Variants in ZNF571 observed in about 807,000 individuals in gnomAD.
ZNF571 encodes the protein zinc finger protein 571.
ZNF571 carries 4 observed loss-of-function variants against 7.7 expected under a neutral mutation model. The observed-to-expected ratio is 0.52, with a 90% CI of 0.25 to 1.18. The LOEUF (loss-of-function observed/expected upper bound fraction) is 1.18, where lower values mean the gene tolerates loss of function less well. ZNF571 is among the 50% of genes most tolerant of loss of function. The pLI is 0.14. For synonymous variants in ZNF571, 251 were observed against 232.4 expected, an observed-to-expected ratio of 1.08 and a Z score of -0.73; for missense variants, 704 against 726.9, an observed-to-expected ratio of 0.97 and a Z score of 0.36.
intron 1 of ZNF571, among the ~76,000 whole-genome samples, chr19:37,589,642 C>A (rs2043804915): frequency 6.6e-6 from 1 of 151,884 alleles, no homozygotes; most frequent in African/African-American, 2.4e-5. Context: ...CAGATCTGGA[C>A]ATAATACAAA....
At position 37,566,001 on chromosome 19, in the gene ZNF571, C is replaced by CCTT. The variant is rs1179290799; in HGVS notation, c.424_426dup (p.Lys142dup). The CCTT allele has an allele frequency of 3.1e-6, 5 of 1,614,004 alleles. No individual in the cohort carries two copies. The Admixed American group carries it at 8.3e-5, about 27-fold the overall frequency. ...AGGTAGCTGAAACCTTGTCTGCATT[C>CCTT]CTTACATTTGTACAATTTTTCCTTG... On this transcript the variant is annotated inframe_insertion, in exon 4 of 4. Coordinates refer to ENST00000451802, the MANE Select transcript of ZNF571 (RefSeq NM_016536.5).
intron 3 of ZNF571, among the ~76,000 whole-genome samples, chr19:37,578,576 C>A (rs952566445): frequency 3.0e-4 from 46 of 152,214 alleles, no homozygotes; most frequent in African/African-American, 1.1e-3. Flanking sequence ...GTGGAAGCCG[C>A]AGTCACAGTG....
chr19:37,571,495 C>CA lies in ZNF571; in HGVS notation c.137-5205dup, dbSNP rs200875528. 2.8e-4 allele frequency among the ~76,000 whole-genome samples: 43 copies of CA among 152,024 alleles called. No individual in the cohort carries two copies. The East Asian group carries it at 8.1e-3, about 29-fold the overall frequency. On this transcript the variant is annotated intron_variant, in intron 3 of 3. Coordinates refer to ENST00000451802, the MANE Select transcript of ZNF571 (RefSeq NM_016536.5). ...TGGGTGAGAGAGCGAGACTCCATCT[C>CA]AAAAAAACAAAAACAAACAAAAAAA...
In ZNF571 at chr19:37,565,225, A is replaced by C. The variant is rs980726399; in HGVS notation, c.1203T>G (p.Ile401Met). Reference protein sequence around the residue: ...YKCKECGKAFISNSNLIQHQR... With the variant: ...YKCKECGKAFMSNSNLIQHQR... ...GATGTTGAATAAGATTAGAATTAGAAATAAAGGCTTTCCCACATTCTTTGC... is the reference window on the plus strand; with the variant it reads ...GATGTTGAATAAGATTAGAATTAGACATAAAGGCTTTCCCACATTCTTTGC... The change falls in exon 4 of 4, where the codon ATT (isoleucine) becomes ATG (methionine). Residue 401 changes from isoleucine (I) to methionine (M), a missense_variant. By Grantham distance (10) the Ile-to-Met change is conservative (BLOSUM62 1). Transcript: ENST00000451802. The C allele has an allele frequency of 6.2e-6, 10 of 1,613,308 alleles. No homozygotes were observed. The African/African-American group carries it at 1.3e-4, about 22-fold the overall frequency.
intron 3 of ZNF571, among the ~76,000 whole-genome samples, chr19:37,568,181 G>A (rs1328696108): frequency 6.6e-6 from 1 of 152,138 alleles, no homozygotes; most frequent in Non-Finnish European, 1.5e-5. Context: ...GAATAACAAA[G>A]ACTGGTCATG....
At chr19:37,573,035 A>G (rs2043119748) in intron 3 of ZNF571, among the ~76,000 whole-genome samples, 1 of 152,222 alleles carries the variant, frequency 6.6e-6, no homozygotes, top group African/African-American at 2.4e-5. Context: ...TCAATGTGAT[A>G]CATACTTTCA....
intron 3 of ZNF571, among the ~76,000 whole-genome samples, chr19:37,582,888 A>T (rs549106466): frequency 6.6e-6 from 1 of 152,320 alleles, no homozygotes; most frequent in East Asian, 1.9e-4. Context: ...CTGTTCACAT[A>T]GCACTCAGTG....
chr19:37,594,233 T>G (rs1004004202), intron 1 of ZNF571: 1 of 152,294 alleles, frequency 6.6e-6, no homozygotes, highest in African/African-American at 2.4e-5. Flanking sequence ...GCAAAGAAAC[T>G]GCAGCAGCTG....
chr19:37,573,939 A>T (rs79664717), intron 3 of ZNF571, among the ~76,000 whole-genome samples: 59 of 152,346 alleles, frequency 3.9e-4, no homozygotes, highest in African/African-American at 1.4e-3. Flanking sequence ...ATAACATTTT[A>T]AAAAATCATT....
At chr19:37,592,537 C>T (rs762071932) in intron 1 of ZNF571, among the ~76,000 whole-genome samples, 8 of 152,126 alleles carry the variant, frequency 5.3e-5, no homozygotes, top group Non-Finnish European at 7.3e-5. Flanking sequence ...AAGGTGATAT[C>T]CTCCACCCTC....
At chr19:37,575,205 C>T (rs935963023) in intron 3 of ZNF571, among the ~76,000 whole-genome samples, 2 of 152,122 alleles carry the variant, frequency 1.3e-5, no homozygotes, top group Non-Finnish European at 1.5e-5. Flanking sequence ...TAAAATCTAA[C>T]TACTTTATGG....
chr19:37,566,302 A>G lies in ZNF571; in HGVS notation c.137-11T>C, dbSNP rs2042857323. On this transcript the variant is annotated splice_polypyrimidine_tract_variant and intron_variant, in intron 3 of 3. Transcript: ENST00000451802. The stretch of plus-strand genomic sequence containing the variant: ...AACTGGATTCCAAGTCTGTAGAATA[A>G]AAAGAAAGCAAATTCCTGCTTTTGT... 2 of 1,571,098 alleles carry G rather than the reference A, an allele frequency of 1.3e-6. No homozygotes were observed. The highest frequency in any genetic ancestry group is 1.7e-6 in the Non-Finnish European group (2 of 1,162,682).
intron 2 of ZNF571, among the ~76,000 whole-genome samples, chr19:37,584,432 T>C (rs1600522713): frequency 6.6e-6 from 1 of 152,360 alleles, no homozygotes; most frequent in East Asian, 1.9e-4. Context: ...CAATAACTAA[T>C]ATACTCTCAA....
chr19:37,586,620 A>C, intron 2 of ZNF571, 48 bp downstream of exon 2: 2 of 1,611,856 alleles, frequency 1.2e-6, no homozygotes, highest in Non-Finnish European at 1.7e-6. Flanking sequence ...TGTTCACATT[A>C]CACAACAAAA....
chr19:37,575,651 C>T (rs1470273807), intron 3 of ZNF571: 2 of 152,170 alleles, frequency 1.3e-5, no homozygotes, highest in African/African-American at 4.8e-5. Context: ...TAAGATTGCC[C>T]ATTCATTCCT....
At chr19:37,591,979 C>T (rs2043881636) in intron 1 of ZNF571, among the ~76,000 whole-genome samples, 1 of 151,948 alleles carries the variant, frequency 6.6e-6, no homozygotes, top group Non-Finnish European at 1.5e-5. Context: ...ATGAATGGGC[C>T]AGGCGCGGTG....
rs1278089201 is a variant in ZNF571, at chr19:37,565,763, G to C, written c.665C>G (p.Pro222Arg). ...TTTCCCACATGCGTTACACTGATAA[G>C]GTTTTTCATTAGTATGAATTTTCTG... ...QHQKIHTNEK[P>R]YQCNACGKAF... Residue 222 changes from proline to arginine, a missense_variant, in exon 4 of 4, where the codon CCT (proline) becomes CGT (arginine). Physicochemically the swap from Pro to Arg is moderately radical, Grantham distance 103 (BLOSUM62 -2). Coordinates refer to ENST00000451802, the MANE Select transcript of ZNF571 (RefSeq NM_016536.5). 2 of 1,613,622 alleles carry C rather than the reference G, an allele frequency of 1.2e-6. No homozygotes were observed. Among genetic ancestry groups the C allele is most frequent in the Non-Finnish European group, 1.7e-6 (2 of 1,179,882 alleles).
Position 37,564,740 on chromosome 19 carries a change from C to T in ZNF571, c.1688G>A (p.Cys563Tyr). ...TGEKPYECKE[C>Y]GRAFSRGSEL... ...TGAGCCACGACTAAAGGCCCTCCCA[C>T]ATTCCTTACATTCATAGGGTTTCTC... Residue 563 changes from cysteine to tyrosine, a missense_variant, in exon 4 of 4, where the codon TGT becomes TAT. By Grantham distance (194) the Cys-to-Tyr change is radical. Transcript: ENST00000451802. 1.2e-6 allele frequency: 2 copies of T among 1,613,638 alleles called. No individual in the cohort carries two copies. The highest frequency in any genetic ancestry group is 1.7e-6 in the Non-Finnish European group (2 of 1,179,640).
At position 37,593,596 on chromosome 19, in the gene ZNF571, G is replaced by C. The variant is rs535356998; in HGVS notation, c.-70+1145C>G. On this transcript the variant is annotated intron_variant, in intron 1 of 3. Transcript: ENST00000451802. ...CGGGCGCCTGTAGTCCCAGCTACTC[G>C]GGAGGCTTAGGCAGGAGAATGGCGT... 3.3e-5 allele frequency among the ~76,000 whole-genome samples: 5 copies of C among 152,200 alleles called. No homozygotes were observed. In the South Asian group the frequency reaches 1.0e-3, roughly 32 times the overall value.
Sources: gnomAD v4.1 joint callset for allele counts (sites outside exome capture counted in the v4.1 genomes callset) on GRCh38, gnomAD v4.1.1 for gene constraint, MANE v1.5 for transcripts, NCBI Gene and HGNC (gene_info 2026-07-23, HGNC 2026-07-21) for gene names.